L3MBTL4: variants seen among roughly 807,000 people sequenced by gnomAD.
L3MBTL4 encodes L3MBTL histone methyl-lysine binding protein 4, also known as lethal(3)malignant brain tumor-like protein 4.
In L3MBTL4, 70 loss-of-function variants were observed where a neutral mutation model predicts 84.5. The observed-to-expected ratio is 0.83, with a 90% CI of 0.68 to 1.01. The LOEUF is 1.01. Among genes scored for constraint, L3MBTL4 ranks in the 50% least tolerant of loss-of-function variants. L3MBTL4 has a pLI of 0.00. For synonymous variants in L3MBTL4, 274 were observed against 259.8 expected (o/e 1.05, Z -0.52); for missense variants, 715 against 754.8 (o/e 0.95, Z 0.62).
chr18:6,218,106 A>AT (rs2046400470), intron 10 of L3MBTL4, among the ~76,000 whole-genome samples: 1 of 151,614 alleles, frequency 6.6e-6, no homozygotes, highest in Non-Finnish European at 1.5e-5. Context: ...CTGCAGTTGC[A>AT]TTTACTTTTT....
intron 16 of L3MBTL4, among the ~76,000 whole-genome samples, chr18:6,010,132 G>GT (rs139451793): frequency 2.5e-4 from 37 of 146,734 alleles, no homozygotes; most frequent in Non-Finnish European, 3.2e-4. Context: ...GGTGCGAAGT[G>GT]TTTTTTTTTT....
intron 14 of L3MBTL4, among the ~76,000 whole-genome samples, chr18:6,114,549 T>C (rs973466967): frequency 4.6e-5 from 7 of 152,232 alleles, no homozygotes; most frequent in East Asian, 3.8e-4. Context: ...GATTCTGTCA[T>C]AGTGCCTTGG....
chr18:6,245,846 C>T (rs1182409052), intron 5 of L3MBTL4, among the ~76,000 whole-genome samples: 1 of 152,166 alleles, frequency 6.6e-6, no homozygotes, highest in Non-Finnish European at 1.5e-5. Context: ...CCTCCTGAGC[C>T]TCCCAAAGGG....
At chr18:6,262,043 T>C (rs1240228768) in intron 5 of L3MBTL4, among the ~76,000 whole-genome samples, 1 of 152,162 alleles carries the variant, frequency 6.6e-6, no homozygotes, top group Non-Finnish European at 1.5e-5. Context: ...GTGTGACTCC[T>C]AAGCCACAGC....
At chr18:6,216,073 G>A (rs2046314354) in intron 10 of L3MBTL4, among the ~76,000 whole-genome samples, 1 of 152,176 alleles carries the variant, frequency 6.6e-6, no homozygotes, top group Non-Finnish European at 1.5e-5. Context: ...ACAAGGTTAA[G>A]TGAGTTGGCC....
intron 15 of L3MBTL4, among the ~76,000 whole-genome samples, chr18:6,082,050 T>C (rs1187490447): frequency 1.3e-5 from 2 of 151,972 alleles, no homozygotes; most frequent in Non-Finnish European, 2.9e-5. Context: ...AAAACTTGAG[T>C]TCACGCCTAG....
At chr18:6,156,315 C>T (rs1301047831) in intron 13 of L3MBTL4, among the ~76,000 whole-genome samples, 2 of 152,106 alleles carry the variant, frequency 1.3e-5, no homozygotes, top group Admixed American at 6.6e-5. Context: ...TCCCATAGGA[C>T]TTTGCAAACC....
chr18:6,110,911 T>C (rs1406369289), intron 14 of L3MBTL4, among the ~76,000 whole-genome samples: 3 of 152,166 alleles, frequency 2.0e-5, no homozygotes, highest in African/African-American at 7.2e-5. Flanking sequence ...TTCATGCCCA[T>C]TTCCAGCTGG....
chr18:6,010,193 C>T (rs2054671748), intron 16 of L3MBTL4, among the ~76,000 whole-genome samples: 1 of 151,998 alleles, frequency 6.6e-6, no homozygotes, highest in African/African-American at 2.4e-5. Flanking sequence ...CCTCTATTCT[C>T]TCTTTCTTGA....
chr18:6,079,753 AC>A (rs1286899118), intron 16 of L3MBTL4, among the ~76,000 whole-genome samples: 1 of 152,192 alleles, frequency 6.6e-6, no homozygotes. Context: ...CATGTCGTTT[AC>A]AGAATGAAGG....
chr18:5,967,669 G>T (rs758120194), intron 17 of L3MBTL4, among the ~76,000 whole-genome samples: 1 of 152,192 alleles, frequency 6.6e-6, no homozygotes, highest in African/African-American at 2.4e-5. Context: ...CCAGAGTGCA[G>T]ATGCCCTGCC....
At chr18:6,317,004 A>G (rs957101292) in intron 1 of L3MBTL4, among the ~76,000 whole-genome samples, 2 of 151,336 alleles carry the variant, frequency 1.3e-5, no homozygotes, top group African/African-American at 4.9e-5. Flanking sequence ...CTGGTACAAA[A>G]TAAATAAATA....
intron 10 of L3MBTL4, among the ~76,000 whole-genome samples, chr18:6,232,720 T>C: frequency 6.6e-6 from 1 of 152,164 alleles, no homozygotes; most frequent in African/African-American, 2.4e-5. Flanking sequence ...TTATTTTCTT[T>C]GTTATGTCTG....
At chr18:5,965,898 T>C (rs1171728915) in intron 17 of L3MBTL4, among the ~76,000 whole-genome samples, 1 of 152,076 alleles carries the variant, frequency 6.6e-6, no homozygotes, top group African/African-American at 2.4e-5. Context: ...GAAGACAAGG[T>C]TATGGAAGCA....
chr18:6,000,661 A>G (rs2054170995), intron 16 of L3MBTL4, among the ~76,000 whole-genome samples: 1 of 152,230 alleles, frequency 6.6e-6, no homozygotes, highest in African/African-American at 2.4e-5. Flanking sequence ...CTAAATCTAT[A>G]TATGTGAATG....
intron 16 of L3MBTL4, among the ~76,000 whole-genome samples, chr18:6,077,617 C>G (rs1350207125): frequency 1.3e-5 from 2 of 151,846 alleles, no homozygotes; most frequent in Non-Finnish European, 2.9e-5. Context: ...AAAACAGAAT[C>G]TGCGTGTGCA....
chr18:6,211,687 C>T (rs1178966564), intron 12 of L3MBTL4, among the ~76,000 whole-genome samples: 8 of 149,522 alleles, frequency 5.4e-5, no homozygotes, highest in Non-Finnish European at 8.9e-5. Context: ...CCAGCTCTGT[C>T]GCCCAGGCTG....
chr18:6,379,201 C>A (rs930398567), intron 1 of L3MBTL4, among the ~76,000 whole-genome samples: 2 of 152,202 alleles, frequency 1.3e-5, no homozygotes, highest in African/African-American at 2.4e-5. Context: ...TGCTTATCAG[C>A]TTAAGGAGAT....
intron 4 of L3MBTL4, among the ~76,000 whole-genome samples, chr18:6,275,490 GC>G (rs2049041858): frequency 6.6e-6 from 1 of 152,156 alleles, no homozygotes; most frequent in South Asian, 2.1e-4. Context: ...GACATCAGGG[GC>G]AAGTGGGAGG....
Sources: allele counts gnomAD v4.1 joint callset (sites outside exome capture counted in the v4.1 genomes callset), GRCh38; gene constraint gnomAD v4.1.1; transcripts MANE v1.5; gene names NCBI Gene and HGNC (gene_info 2026-07-23, HGNC 2026-07-21).